PCDHGA4: variants seen among roughly 807,000 people sequenced by gnomAD.
The protein encoded by PCDHGA4 is protocadherin gamma-A4.
In PCDHGA4, 38 loss-of-function variants were observed where a neutral mutation model predicts 54.6. The ratio of observed to expected loss-of-function variants is 0.70; its 90% CI spans 0.54 to 0.91. The LOEUF is 0.91. Among genes scored for constraint, PCDHGA4 ranks in the 40% least tolerant of loss-of-function variants. The pLI is 0.00. For synonymous variants in PCDHGA4, 511 were observed against 512.9 expected, an observed-to-expected ratio of 1.00 and a Z score of 0.05; for missense variants, 1,298 against 1,220.9, an observed-to-expected ratio of 1.06 and a Z score of -0.94.
At chr5:141,376,364 G>T in intron 1 of PCDHGA4, 1 of 1,614,202 alleles carries the variant, frequency 6.2e-7, no homozygotes, top group Non-Finnish European at 8.5e-7. Flanking sequence ...CTCACTCACT[G>T]CAGACTCGCG....
intron 1 of PCDHGA4, chr5:141,423,365 T>A (rs1338039878): frequency 1.9e-6 from 3 of 1,614,096 alleles, no homozygotes; most frequent in South Asian, 1.1e-5. Context: ...ATCGTGCTGC[T>A]GGCACTCAGG....
chr5:141,497,775 A>G (rs2099779384), intron 2 of PCDHGA4, among the ~76,000 whole-genome samples: 2 of 152,054 alleles, frequency 1.3e-5, no homozygotes, highest in South Asian at 4.2e-4. Context: ...CCCGACCTCA[A>G]CTGATCCACC....
chr5:141,491,438 G>A lies in PCDHGA4; in HGVS notation c.2515-3369G>A, dbSNP rs376927300. The A allele has an allele frequency of 3.7e-6, 6 of 1,614,066 alleles. No homozygotes were observed. Among genetic ancestry groups the A allele is most frequent in the Admixed American group, 1.7e-5 (1 of 60,016 alleles). On this transcript the variant is annotated intron_variant, in intron 1 of 3. Coordinates refer to ENST00000571252, the MANE Select transcript of PCDHGA4 (RefSeq NM_018917.4). This position sits in a 1 kb window ranked among gnomAD's most constrained non-coding sequence, Gnocchi z 6.9. ...GGGGGTGGAGGGCAGTGCTGCAGGC[G>A]CCAGGACTCACCCTCCCCGGACTTC...
In PCDHGA4 at chr5:141,490,376, C is replaced by T. The variant is rs761956816; in HGVS notation, c.2515-4431C>T. 2 of 1,614,184 alleles carry T rather than the reference C, an allele frequency of 1.2e-6. No individual in the cohort carries two copies. The highest frequency in any genetic ancestry group is 1.7e-6 in the Non-Finnish European group (2 of 1,180,036). ...TTGTTTAATGTGCGAGACCGGGACT[C>T]AGGTAGAAATGGTGAAGTGAGCCTT... is the stretch of plus-strand genomic sequence containing the variant. On this transcript the variant is annotated intron_variant, in intron 1 of 3. Transcript: ENST00000571252. The surrounding 1 kb of genome is among the most constrained non-coding windows in gnomAD (Gnocchi z 5.4).
intron 1 of PCDHGA4, among the ~76,000 whole-genome samples, chr5:141,386,366 C>A (rs2090545743): frequency 6.6e-6 from 1 of 151,962 alleles, no homozygotes; most frequent in Non-Finnish European, 1.5e-5. Context: ...ATTCCAGAGA[C>A]CTTTGAGTAT....
chr5:141,483,887 C>G (rs147069309), intron 1 of PCDHGA4, among the ~76,000 whole-genome samples: 13 of 152,036 alleles, frequency 8.6e-5, no homozygotes, highest in Non-Finnish European at 1.2e-4. Context: ...TTTTCTATTT[C>G]TCTGAGCTCT....
chr5:141,391,872 CTT>C (rs1248262671), intron 1 of PCDHGA4: 1 of 152,168 alleles, frequency 6.6e-6, no homozygotes, highest in East Asian at 1.9e-4. Context: ...TTAATCATCT[CTT>C]TGGTGAAAGG....
intron 1 of PCDHGA4, chr5:141,426,408 G>A (rs2096933631): frequency 1.2e-5 from 3 of 258,388 alleles, no homozygotes; most frequent in South Asian, 4.8e-5. Flanking sequence ...CAGAAGAAAC[G>A]GTCCAGGGCT....
Position 141,487,059 on chromosome 5 carries a change from G to A in PCDHGA4, c.2515-7748G>A, listed in dbSNP as rs760836605. 1.7e-5 allele frequency: 27 copies of A among 1,613,952 alleles called. No homozygotes were observed. Among genetic ancestry groups the A allele is most frequent in the Non-Finnish European group, 2.0e-5 (24 of 1,179,994 alleles). On this transcript the variant is annotated intron_variant, in intron 1 of 3. Transcript: ENST00000571252. This position sits in a 1 kb window ranked among gnomAD's most constrained non-coding sequence, Gnocchi z 5.0. ...GTCTCTCGATATGCTGGGGAGGTGC[G>A]GACGGCTGTTCCTATCCCAGCTGAC...
chr5:141,430,365 G>GA lies in PCDHGA4; in HGVS notation c.2515-64434dup, dbSNP rs202146484. Among the ~76,000 whole-genome samples, 583 of 147,736 alleles carry GA rather than the reference G, an allele frequency of 3.9e-3. 6 individuals are homozygous for GA. The highest frequency in any genetic ancestry group is 0.011 in the Admixed American group (169 of 14,894). On this transcript the variant is annotated intron_variant, in intron 1 of 3. Coordinates refer to ENST00000571252, the MANE Select transcript of PCDHGA4 (RefSeq NM_018917.4). ...CCAATTCATTTAAAAGCTCATTGGG[G>GA]AAAAAAAAGCTCATTGGGAAAAAAA...
chr5:141,363,477 T>G (rs1011595673), intron 1 of PCDHGA4, among the ~76,000 whole-genome samples: 9 of 152,238 alleles, frequency 5.9e-5, no homozygotes, highest in Non-Finnish European at 1.0e-4. Context: ...CATGCTTTCC[T>G]GCATGGATGA....
chr5:141,413,235 C>A, intron 1 of PCDHGA4: 1 of 1,613,954 alleles, frequency 6.2e-7, no homozygotes, highest in Non-Finnish European at 8.5e-7. Context: ...TGGTCCTGCT[C>A]TGCCTTTTCT....
At chr5:141,436,632 G>T (rs763510513) in intron 1 of PCDHGA4, among the ~76,000 whole-genome samples, 2 of 152,130 alleles carry the variant, frequency 1.3e-5, no homozygotes, top group Non-Finnish European at 2.9e-5. Context: ...TTCACAACAT[G>T]CAATTAATTA....
chr5:141,393,481 C>G (rs368525192), intron 1 of PCDHGA4: 11 of 1,613,948 alleles, frequency 6.8e-6, no homozygotes, highest in African/African-American at 5.3e-5. Flanking sequence ...CCGCCTCGCT[C>G]TAGCACAGTG....
chr5:141,431,435 G>C lies in PCDHGA4; in HGVS notation c.2515-63372G>C, dbSNP rs376827063. The C allele has an allele frequency of 6.2e-7, 1 of 1,613,668 alleles. No homozygotes were observed. The highest frequency in any genetic ancestry group is 1.7e-5 in the Admixed American group (1 of 60,010). On this transcript the variant is annotated intron_variant, in intron 1 of 3. Coordinates refer to ENST00000571252, the MANE Select transcript of PCDHGA4 (RefSeq NM_018917.4). This position sits in a 1 kb window ranked among gnomAD's most constrained non-coding sequence, Gnocchi z 4.8. ...GGGCGACCCGGTGCGCACAGGCACC[G>C]CGCGCATCCGCGTGATGGTTCTGGA...
chr5:141,355,870 G>T lies in PCDHGA4; in HGVS notation c.763G>T (p.Gly255Cys), dbSNP rs376992240. ...CGATGGAGGTGACCCGGTTCGCTCT[G>T]GCACTGCCAGGATTCTCATAATACT... ...AFDGGDPVRSGTARILIILVD... is the reference protein window; with the variant it reads ...AFDGGDPVRSCTARILIILVD... Residue 255 changes from glycine (G) to cysteine (C), a missense_variant, in exon 1 of 4, where the codon GGC becomes TGC. Physicochemically the swap from Gly to Cys is radical, Grantham distance 159. Transcript: ENST00000571252. The T allele has an allele frequency of 4.5e-5, 72 of 1,612,760 alleles. No individual in the cohort carries two copies. Among genetic ancestry groups the T allele is most frequent in the Non-Finnish European group, 6.1e-5 (72 of 1,179,462 alleles).
Position 141,489,712 on chromosome 5 carries a change from C to G in PCDHGA4, c.2515-5095C>G. On this transcript the variant is annotated intron_variant, in intron 1 of 3. Transcript: ENST00000571252. The surrounding 1 kb of genome is among the most constrained non-coding windows in gnomAD (Gnocchi z 4.5). ...GGCACGATTCCCACTGGACAGTGCC[C>G]AGGATCCGGATGTGGGCACCAATAC... The G allele has an allele frequency of 6.2e-7, 1 of 1,614,162 alleles. No individual in the cohort carries two copies. Among genetic ancestry groups the G allele is most frequent in the South Asian group, 1.1e-5 (1 of 91,078 alleles).
Position 141,489,173 on chromosome 5 carries a change from C to T in PCDHGA4, c.2515-5634C>T. 8.3e-7 allele frequency: 1 copy of T among 1,208,434 alleles called. No individual in the cohort carries two copies. Among genetic ancestry groups the T allele is most frequent in the Non-Finnish European group, 1.2e-6 (1 of 860,944 alleles). The allele number at this position is 1,208,434 out of a possible 1,614,324, so 74.9% of individuals were successfully genotyped here. ...CATAAGAGACTTCAGCTGCTGCATTCCAAGCCCTGGGTCTACCTTGGAGAC... is the reference window on the plus strand; with the variant it reads ...CATAAGAGACTTCAGCTGCTGCATTTCAAGCCCTGGGTCTACCTTGGAGAC... On this transcript the variant is annotated intron_variant, in intron 1 of 3. Coordinates refer to ENST00000571252, the MANE Select transcript of PCDHGA4 (RefSeq NM_018917.4). The surrounding 1 kb of genome is among the most constrained non-coding windows in gnomAD (Gnocchi z 4.5).
At chr5:141,401,838 T>C in intron 1 of PCDHGA4, among the ~76,000 whole-genome samples, 1 of 152,232 alleles carries the variant, frequency 6.6e-6, no homozygotes, top group East Asian at 1.9e-4. Context: ...TTTCTTATAA[T>C]ACCACTTACT....
Sources: allele counts gnomAD v4.1 joint callset (sites outside exome capture counted in the v4.1 genomes callset), GRCh38; gene constraint gnomAD v4.1.1; non-coding constraint Gnocchi (gnomAD v3.1); transcripts MANE v1.5; gene names NCBI Gene and HGNC (gene_info 2026-07-23, HGNC 2026-07-21).